MRPS28: variants seen among roughly 807,000 people sequenced by gnomAD.
The protein encoded by MRPS28 is mitochondrial ribosomal protein S28.
MRPS28 carries 7 observed loss-of-function variants against 10.8 expected under a neutral mutation model. That is an observed-to-expected ratio of 0.65 (90% CI 0.37 to 1.22). MRPS28 has a LOEUF of 1.22. Ranked by LOEUF, MRPS28 falls within the 50% of genes most tolerant of loss-of-function variation. The pLI, the probability that MRPS28 is intolerant of heterozygous loss-of-function variation, is 0.02. For synonymous variants in MRPS28, 121 were observed against 93.3 expected (o/e 1.30, Z -1.71); for missense variants, 265 against 232.9 (o/e 1.14, Z -0.90).
intron 2 of MRPS28, among the ~76,000 whole-genome samples, chr8:79,927,905 C>T (rs1806336640): frequency 6.6e-6 from 1 of 152,134 alleles, no homozygotes; most frequent in African/African-American, 2.4e-5. Context: ...TCCACACAAT[C>T]CAGAGTGCTT....
At chr8:79,925,753 C>T (rs553455589) in intron 2 of MRPS28, among the ~76,000 whole-genome samples, 2 of 152,036 alleles carry the variant, frequency 1.3e-5, no homozygotes, top group Admixed American at 1.3e-4. Context: ...TTTGGGAGAC[C>T]GAGGCAGGAG....
At chr8:79,947,639 T>TTG (rs1273243118) in intron 2 of MRPS28, among the ~76,000 whole-genome samples, 9 of 143,168 alleles carry the variant, frequency 6.3e-5, no homozygotes, top group African/African-American at 2.3e-4. Flanking sequence ...GTTTTTTTTT[T>TTG]TTTTTTTTTT....
At chr8:79,980,548 C>T (rs888200473) in intron 2 of MRPS28, among the ~76,000 whole-genome samples, 2 of 152,124 alleles carry the variant, frequency 1.3e-5, no homozygotes, top group Admixed American at 6.6e-5. Flanking sequence ...TGAAATGGCT[C>T]TCATTTCTTC....
At chr8:79,998,013 C>T (rs1396047272) in intron 2 of MRPS28, among the ~76,000 whole-genome samples, 1 of 151,290 alleles carries the variant, frequency 6.6e-6, no homozygotes, top group Admixed American at 6.6e-5. Flanking sequence ...TGAGATCATG[C>T]CACTGCACTC....
At chr8:80,016,920 G>A (rs1202047361) in intron 1 of MRPS28, among the ~76,000 whole-genome samples, 1 of 152,156 alleles carries the variant, frequency 6.6e-6, no homozygotes, top group African/African-American at 2.4e-5. Flanking sequence ...TCAGGATATA[G>A]CTGAACTCAA....
At chr8:79,954,649 G>C (rs1026166273) in intron 2 of MRPS28, among the ~76,000 whole-genome samples, 2 of 152,156 alleles carry the variant, frequency 1.3e-5, no homozygotes, top group African/African-American at 2.4e-5. Flanking sequence ...CATTTTAAGA[G>C]TATCTCTGTA....
Position 80,014,102 on chromosome 8 carries a change from G to A in MRPS28, c.214-10922C>T, listed in dbSNP as rs193199191. On this transcript the variant is annotated intron_variant, in intron 1 of 2. Coordinates refer to ENST00000276585, the MANE Select transcript of MRPS28 (RefSeq NM_014018.3). ...CAAGAAGAAGAAGCTGTGAAAAAAA[G>A]AAAGCTATTCTATCCTGAAGTATTC... 6.4e-3 allele frequency among the ~76,000 whole-genome samples: 970 copies of A among 152,232 alleles called. 8 individuals carry two copies. Among genetic ancestry groups the A allele is most frequent in the African/African-American group, 0.022 (903 of 41,530 alleles).
At chr8:79,966,235 A>T (rs1234732749) in intron 2 of MRPS28, among the ~76,000 whole-genome samples, 1 of 152,046 alleles carries the variant, frequency 6.6e-6, no homozygotes, top group Non-Finnish European at 1.5e-5. Flanking sequence ...AACTTGAGTG[A>T]GCTTGTTTTA....
intron 1 of MRPS28, among the ~76,000 whole-genome samples, chr8:80,016,701 T>C (rs1330063524): frequency 6.6e-6 from 1 of 152,158 alleles, no homozygotes; most frequent in Non-Finnish European, 1.5e-5. Context: ...CAATTAACAG[T>C]TTGTTCATGT....
intron 2 of MRPS28, among the ~76,000 whole-genome samples, chr8:79,981,984 G>A (rs1466290494): frequency 6.6e-6 from 1 of 152,108 alleles, no homozygotes; most frequent in Admixed American, 6.5e-5. Context: ...AGTGGCTCAT[G>A]CCTGTAATCC....
At chr8:79,972,892 G>A (rs1436214427) in intron 2 of MRPS28, among the ~76,000 whole-genome samples, 1 of 152,156 alleles carries the variant, frequency 6.6e-6, no homozygotes, top group Non-Finnish European at 1.5e-5. Flanking sequence ...AATATTGGGA[G>A]ATCTTAAATA....
intron 2 of MRPS28, among the ~76,000 whole-genome samples, chr8:79,979,988 T>C (rs1334723349): frequency 6.6e-6 from 1 of 150,830 alleles, no homozygotes. Flanking sequence ...TTCTGCTATT[T>C]GCAATTGACA....
At chr8:80,022,679 G>A (rs1809398331) in intron 1 of MRPS28, among the ~76,000 whole-genome samples, 1 of 152,202 alleles carries the variant, frequency 6.6e-6, no homozygotes, top group East Asian at 1.9e-4. Flanking sequence ...GGCTCCACTT[G>A]AATGTGCTTA....
intron 1 of MRPS28, among the ~76,000 whole-genome samples, chr8:80,025,260 C>T (rs1031298214): frequency 6.6e-6 from 1 of 152,022 alleles, no homozygotes; most frequent in Admixed American, 6.5e-5. Context: ...AGATGATAAC[C>T]CCAGTTTCCA....
At chr8:79,977,199 G>A (rs1807825266) in intron 2 of MRPS28, among the ~76,000 whole-genome samples, 2 of 152,106 alleles carry the variant, frequency 1.3e-5, no homozygotes, top group South Asian at 4.1e-4. Flanking sequence ...AAAGATTGGA[G>A]GCAAATGTAC....
chr8:79,956,128 T>G (rs1332923495), intron 2 of MRPS28, among the ~76,000 whole-genome samples: 2 of 152,154 alleles, frequency 1.3e-5, no homozygotes, highest in Non-Finnish European at 2.9e-5. Context: ...CAACTTTTTG[T>G]TGGCTTTTGC....
chr8:80,000,537 T>C (rs541674200), intron 2 of MRPS28, among the ~76,000 whole-genome samples: 2 of 152,298 alleles, frequency 1.3e-5, no homozygotes, highest in Admixed American at 1.3e-4. Context: ...GATGGAGGTT[T>C]CAAGAAAACA....
intron 2 of MRPS28, among the ~76,000 whole-genome samples, chr8:79,929,422 A>C (rs1255562634): frequency 6.6e-6 from 1 of 152,200 alleles, no homozygotes; most frequent in African/African-American, 2.4e-5. Context: ...GGTCATTGAT[A>C]ATCGGAACCT....
intron 2 of MRPS28, among the ~76,000 whole-genome samples, chr8:79,992,266 C>T (rs1808387228): frequency 6.6e-6 from 1 of 152,184 alleles, no homozygotes; most frequent in Non-Finnish European, 1.5e-5. Flanking sequence ...TTGTTTTAAG[C>T]CACTAAGTTA....
Sources: gnomAD v4.1 joint callset for allele counts (sites outside exome capture counted in the v4.1 genomes callset) on GRCh38, gnomAD v4.1.1 for gene constraint, MANE v1.5 for transcripts, NCBI Gene and HGNC (gene_info 2026-07-23, HGNC 2026-07-21) for gene names.